The following ANO6 variants were observed in gnomAD, a reference collection of about 807,000 sequenced individuals.
ANO6 encodes anoctamin 6.
Under a neutral mutation model 117.5 loss-of-function variants are expected in ANO6, and 106 were observed. The observed-to-expected ratio is 0.90, with a 90% CI of 0.77 to 1.06. The LOEUF (loss-of-function observed/expected upper bound fraction) is 1.06, where lower values mean the gene tolerates loss of function less well. ANO6 is among the 50% of genes least tolerant of loss of function. The probability of loss-of-function intolerance (pLI) is 0.00; values close to 1 mark genes in which losing one functional copy is unlikely to be tolerated. For missense variants in ANO6, 955 were observed against 1,121.1 expected (o/e 0.85, Z 2.12); for synonymous variants, 367 against 385.1 (o/e 0.95, Z 0.55).
intron 8 of ANO6, among the ~76,000 whole-genome samples, chr12:45,358,273 T>C (rs1941464058): frequency 6.6e-6 from 1 of 152,212 alleles, no homozygotes; most frequent in Non-Finnish European, 1.5e-5. Context: ...CCCTGATGGA[T>C]AGACATAATT....
chr12:45,318,471 C>G (rs1439280599), intron 2 of ANO6, among the ~76,000 whole-genome samples: 1 of 152,124 alleles, frequency 6.6e-6, no homozygotes, highest in Non-Finnish European at 1.5e-5. Flanking sequence ...CTGTTCTGTT[C>G]CATTGGTCGA....
At chr12:45,421,381 T>C in intron 18 of ANO6, 108 bp downstream of exon 18, 1 of 1,167,180 alleles carries the variant, frequency 8.6e-7, no homozygotes, top group Non-Finnish European at 1.2e-6. Flanking sequence ...TCTTTATAAC[T>C]TCAGGATCAA....
chr12:45,295,749 C>T (rs549885492), intron 1 of ANO6, among the ~76,000 whole-genome samples: 5 of 151,908 alleles, frequency 3.3e-5, no homozygotes, highest in Admixed American at 6.6e-5. Flanking sequence ...TTAGTAGAGA[C>T]GGGGTTTCAC....
chr12:45,410,948 TG>T (rs763230024), intron 16 of ANO6, among the ~76,000 whole-genome samples: 1 of 152,242 alleles, frequency 6.6e-6, no homozygotes, highest in Non-Finnish European at 1.5e-5. Context: ...TGTTATGTTT[TG>T]TGACCAGGTT....
At position 45,331,346 on chromosome 12, in the gene ANO6, A is replaced by C. The variant is rs1272829504; in HGVS notation, c.202A>C (p.Arg68=). The part of the protein sequence containing the change: ...DSLFFNDGQR[R]IDFVLVYEDE... ...CCTCTTTTTTAATGATGGCCAGCGAAGAATTGACTTTGTTCTAGTATATGA... is the reference window on the plus strand; with the variant it reads ...CCTCTTTTTTAATGATGGCCAGCGACGAATTGACTTTGTTCTAGTATATGA... The change falls in exon 3 of 20, where the codon AGA becomes CGA. Residue 68 remains arginine (R), a synonymous_variant. Transcript: ENST00000320560. 1 of 1,610,396 alleles carries C rather than the reference A, an allele frequency of 6.2e-7. No individual in the cohort carries two copies. The highest frequency in any genetic ancestry group is 1.1e-5 in the South Asian group (1 of 90,248).
chr12:45,304,835 A>C (rs1026895152), intron 2 of ANO6, among the ~76,000 whole-genome samples: 2 of 152,198 alleles, frequency 1.3e-5, no homozygotes, highest in Admixed American at 6.5e-5. Context: ...GGTGTCTCTA[A>C]TGTGACTAGT....
chr12:45,402,760 A>G (rs570455347), intron 13 of ANO6, among the ~76,000 whole-genome samples: 26 of 152,366 alleles, frequency 1.7e-4, no homozygotes, highest in East Asian at 7.7e-4. Context: ...TTTTCTGTCA[A>G]TTATACCCAT....
intron 12 of ANO6, among the ~76,000 whole-genome samples, chr12:45,398,724 C>A (rs1942699541): frequency 1.3e-5 from 2 of 151,944 alleles, no homozygotes; most frequent in Admixed American, 6.6e-5. Context: ...TTTTTTAAGG[C>A]ACATAAAAAT....
intron 10 of ANO6, among the ~76,000 whole-genome samples, chr12:45,380,066 G>A (rs1036738734): frequency 9.9e-5 from 15 of 152,086 alleles, no homozygotes; most frequent in African/African-American, 1.4e-4. Context: ...GTGCCCAGAC[G>A]CATATGGCAC....
chr12:45,305,404 T>G (rs922274949), intron 2 of ANO6, among the ~76,000 whole-genome samples: 9 of 152,238 alleles, frequency 5.9e-5, no homozygotes, highest in African/African-American at 2.2e-4. Flanking sequence ...ACTGTTTTGT[T>G]TTCTCCAACA....
chr12:45,420,006 TA>T (rs1263726103), intron 17 of ANO6, among the ~76,000 whole-genome samples: 1 of 151,388 alleles, frequency 6.6e-6, no homozygotes, highest in Admixed American at 6.6e-5. Context: ...TAGATCAGAC[TA>T]AACAGACATT....
chr12:45,419,668 T>C (rs1482912806), intron 17 of ANO6, among the ~76,000 whole-genome samples: 1 of 152,188 alleles, frequency 6.6e-6, no homozygotes, highest in South Asian at 2.1e-4. Flanking sequence ...CAAAAACATG[T>C]CTACTTTTCT....
Position 45,432,207 on chromosome 12 carries a change from T to C in ANO6, c.*2896T>C, listed in dbSNP as rs1447900585. 1 of 983,890 alleles carries C rather than the reference T, an allele frequency of 1.0e-6. No homozygotes were observed. The highest frequency in any genetic ancestry group is 1.2e-6 in the Non-Finnish European group (1 of 829,276). The allele number at this position is 983,890 out of a possible 1,614,324, so 60.9% of individuals were successfully genotyped here. On this transcript the variant is annotated 3_prime_UTR_variant, in exon 20 of 20. Coordinates refer to ENST00000320560, the MANE Select transcript of ANO6 (RefSeq NM_001025356.3). ...ACTATTCATGATGCTTTTCACACATTGTGGCATAAGATGTAAAGTTTGTAA... is the reference window on the plus strand; with the variant it reads ...ACTATTCATGATGCTTTTCACACATCGTGGCATAAGATGTAAAGTTTGTAA...
chr12:45,219,187 CAA>C (rs1004663091), intron 1 of ANO6, among the ~76,000 whole-genome samples: 5 of 151,118 alleles, frequency 3.3e-5, no homozygotes, highest in Non-Finnish European at 7.4e-5. Context: ...CCCCTCCCCC[CAA>C]AAAAAAACTT....
At chr12:45,257,624 G>A (rs1236957005) in intron 1 of ANO6, among the ~76,000 whole-genome samples, 1 of 152,142 alleles carries the variant, frequency 6.6e-6, no homozygotes, top group Non-Finnish European at 1.5e-5. Flanking sequence ...TCCTGAGGCA[G>A]TTCCCTGCCC....
intron 9 of ANO6, among the ~76,000 whole-genome samples, chr12:45,374,685 G>C (rs1297717622): frequency 2.9e-5 from 4 of 136,658 alleles, no homozygotes; most frequent in African/African-American, 1.1e-4. Context: ...AATAAATTAG[G>C]TATTGATGGG....
Position 45,367,748 on chromosome 12 carries a change from G to C in ANO6, c.1059G>C (p.Arg353Ser), listed in dbSNP as rs779684308. Reference sequence around the variant, plus strand: ...TCATAATGTGTCCTCAGTGTGATAGGCTTTGTCCATTCTGGAAACTCAATA... The same window carrying C: ...TCATAATGTGTCCTCAGTGTGATAGCCTTTGTCCATTCTGGAAACTCAATA... Reference protein sequence around the residue: ...GKIIMCPQCDRLCPFWKLNIT... With the variant: ...GKIIMCPQCDSLCPFWKLNIT... The change falls in exon 9 of 20, where the codon AGG becomes AGC. Residue 353 changes from arginine to serine, a missense_variant. Physicochemically the swap from Arg to Ser is moderately radical, Grantham distance 110 (BLOSUM62 -1). Transcript: ENST00000320560. The C allele has an allele frequency of 3.7e-6, 6 of 1,613,672 alleles. No individual in the cohort carries two copies. The highest frequency in any genetic ancestry group is 1.7e-4 in the Middle Eastern group (1 of 6,054).
At chr12:45,422,397 T>C (rs918215052) in intron 18 of ANO6, among the ~76,000 whole-genome samples, 12 of 152,174 alleles carry the variant, frequency 7.9e-5, no homozygotes, top group African/African-American at 2.9e-4. Context: ...TTTAAAACTT[T>C]AGTTCTTTTA....
chr12:45,216,769 G>T (rs761580082), intron 1 of ANO6, among the ~76,000 whole-genome samples: 5 of 152,250 alleles, frequency 3.3e-5, no homozygotes, highest in Admixed American at 1.3e-4. Context: ...ACTGGGGCGA[G>T]CCCCCTGGGC....
Sources: allele counts gnomAD v4.1 joint callset (sites outside exome capture counted in the v4.1 genomes callset), GRCh38; gene constraint gnomAD v4.1.1; transcripts MANE v1.5; gene names NCBI Gene and HGNC (gene_info 2026-07-23, HGNC 2026-07-21).